Variants in NEDD4 observed in about 807,000 individuals in gnomAD.
The protein encoded by NEDD4 is E3 ubiquitin-protein ligase NEDD4.
NEDD4 carries 99 observed loss-of-function variants against 144.9 expected under a neutral mutation model. That is an observed-to-expected ratio of 0.68 (90% CI 0.58 to 0.81). The LOEUF (loss-of-function observed/expected upper bound fraction) is 0.81, where lower values mean the gene tolerates loss of function less well. Ranked by LOEUF, NEDD4 falls within the 30% of genes least tolerant of loss-of-function variation. NEDD4 has a pLI of 0.00. For missense variants in NEDD4, 985 were observed against 1,065.9 expected, an observed-to-expected ratio of 0.92 and a Z score of 1.06; for synonymous variants, 318 against 350.6, an observed-to-expected ratio of 0.91 and a Z score of 1.04.
At chr15:55,956,121 CT>C (rs1179397504) in intron 2 of NEDD4, among the ~76,000 whole-genome samples, 2 of 151,868 alleles carry the variant, frequency 1.3e-5, no homozygotes, top group Admixed American at 6.6e-5. Context: ...GCCCACATTT[CT>C]TTTTTTTATG....
At chr15:55,858,987 T>A (rs2034300594) in intron 11 of NEDD4, among the ~76,000 whole-genome samples, 1 of 152,212 alleles carries the variant, frequency 6.6e-6, no homozygotes, top group South Asian at 2.1e-4. Context: ...CCGGTTGTAG[T>A]TTGCTTTCCT....
chr15:55,927,077 C>CAAACAAA (rs2036683520), intron 4 of NEDD4, among the ~76,000 whole-genome samples: 1 of 70,670 alleles, frequency 1.4e-5, no homozygotes, highest in Non-Finnish European at 2.7e-5. Context: ...GACTACGTCT[C>CAAACAAA]AAAAAAAAAA....
chr15:55,875,616 C>A (rs1282548917), intron 5 of NEDD4, among the ~76,000 whole-genome samples: 2 of 151,796 alleles, frequency 1.3e-5, no homozygotes, highest in East Asian at 3.9e-4. Flanking sequence ...CCACGGCCGG[C>A]CAGATGTACA....
At chr15:55,932,108 C>T (rs973036267) in intron 4 of NEDD4, among the ~76,000 whole-genome samples, 1 of 152,164 alleles carries the variant, frequency 6.6e-6, no homozygotes, top group South Asian at 2.1e-4. Flanking sequence ...GTGGGAGGGA[C>T]CTGGTGGGAG....
intron 14 of NEDD4, among the ~76,000 whole-genome samples, chr15:55,849,405 A>AAT (rs2033887971): frequency 6.6e-6 from 1 of 151,884 alleles, no homozygotes; most frequent in Admixed American, 6.6e-5. Flanking sequence ...TTGTATATTT[A>AAT]ATAGAGACGG....
At chr15:55,939,189 G>T (rs566859069) in intron 4 of NEDD4, among the ~76,000 whole-genome samples, 1 of 152,052 alleles carries the variant, frequency 6.6e-6, no homozygotes, top group African/African-American at 2.4e-5. Context: ...ATCTCATCTC[G>T]ATCCGTAATC....
At chr15:55,896,844 C>T (rs2142140425) in intron 5 of NEDD4, among the ~76,000 whole-genome samples, 1 of 151,868 alleles carries the variant, frequency 6.6e-6, no homozygotes, top group African/African-American at 2.4e-5. Flanking sequence ...ATGTGCCTTA[C>T]CTTTATAGTT....
At chr15:55,905,721 G>A (rs1395652703) in intron 5 of NEDD4, among the ~76,000 whole-genome samples, 1 of 152,102 alleles carries the variant, frequency 6.6e-6, no homozygotes. Flanking sequence ...TGTTGATGGG[G>A]TTGTTTTTTT....
intron 14 of NEDD4, 136 bp downstream of exon 14, chr15:55,850,406 T>C: frequency 1.3e-6 from 1 of 788,334 alleles, no homozygotes; most frequent in Non-Finnish European, 2.0e-6. Flanking sequence ...AATAATATTA[T>C]TAAGAATTCA....
At chr15:55,844,831 A>C (rs1390478438) in intron 18 of NEDD4, among the ~76,000 whole-genome samples, 1 of 147,262 alleles carries the variant, frequency 6.8e-6, no homozygotes, top group African/African-American at 2.5e-5. Context: ...TTTTTGAGAC[A>C]GAGTACTGCT....
chr15:55,898,432 A>T (rs1484055383), intron 5 of NEDD4, among the ~76,000 whole-genome samples: 1 of 152,202 alleles, frequency 6.6e-6, no homozygotes, highest in Non-Finnish European at 1.5e-5. Flanking sequence ...TTCAGTCTAC[A>T]GACTTTACTG....
rs1484643536 is a variant in NEDD4 at position 55,929,136 on chromosome 15, A to C, written c.238-4437T>G. 2.0e-5 allele frequency among the ~76,000 whole-genome samples: 3 copies of C among 152,152 alleles called. 1 individual carries two copies. The highest frequency in any genetic ancestry group is 7.2e-5 in the African/African-American group (3 of 41,444). ...GGGCAGAGGAAGCTGAAAACCACCG[A>C]AAGAACAGAGTGTCAAAGCAACAGG... On this transcript the variant is annotated intron_variant, in intron 4 of 28. Transcript: ENST00000435532.
chr15:55,938,340 C>G (rs1378673386), intron 4 of NEDD4, among the ~76,000 whole-genome samples: 3 of 152,008 alleles, frequency 2.0e-5, no homozygotes. Flanking sequence ...GTGAGACTGT[C>G]TGAAAACAAA....
At chr15:55,980,773 A>G (rs72734391) in intron 1 of NEDD4, among the ~76,000 whole-genome samples, 20,490 of 151,948 alleles carry the variant, frequency 0.13, 1,501 homozygotes, top group East Asian at 0.32. Flanking sequence ...GCTAGCATTC[A>G]TTTTTAGTGT....
At chr15:55,941,113 ACTCT>A (rs1301613018) in intron 4 of NEDD4, among the ~76,000 whole-genome samples, 3 of 151,418 alleles carry the variant, frequency 2.0e-5, no homozygotes, top group African/African-American at 7.3e-5. Context: ...TCATCTGAGT[ACTCT>A]CTCTGTCTCT....
chr15:55,882,391 T>C (rs1193278259), intron 5 of NEDD4, among the ~76,000 whole-genome samples: 4 of 152,150 alleles, frequency 2.6e-5, no homozygotes, highest in African/African-American at 7.2e-5. Flanking sequence ...AGTGGGACTT[T>C]GCATTGGAAC....
chr15:55,915,753 G>T (rs750543991), intron 5 of NEDD4: 1 of 1,613,822 alleles, frequency 6.2e-7, no homozygotes, highest in Admixed American at 1.7e-5. Context: ...CTGTCTGGGA[G>T]TATTATTCGA....
intron 4 of NEDD4, among the ~76,000 whole-genome samples, chr15:55,935,234 C>T (rs1310886163): frequency 2.0e-5 from 3 of 152,086 alleles, no homozygotes; most frequent in Non-Finnish European, 4.4e-5. Context: ...AACATATAAA[C>T]CTGCCTCTTT....
intron 4 of NEDD4, among the ~76,000 whole-genome samples, chr15:55,934,254 T>C (rs1441446801): frequency 6.6e-6 from 1 of 152,242 alleles, no homozygotes; most frequent in East Asian, 1.9e-4. Flanking sequence ...TCACTTAGTA[T>C]AATGATTTCA....
Sources: gnomAD v4.1 joint callset for allele counts (sites outside exome capture counted in the v4.1 genomes callset) on GRCh38, gnomAD v4.1.1 for gene constraint, MANE v1.5 for transcripts, NCBI Gene and HGNC (gene_info 2026-07-23, HGNC 2026-07-21) for gene names.